UTRN: variants seen among roughly 807,000 people sequenced by gnomAD.
UTRN encodes dystrophin-related protein 1.
In UTRN, 283 loss-of-function variants were observed where a neutral mutation model predicts 463.9. The ratio of observed to expected loss-of-function variants is 0.61; its 90% CI spans 0.55 to 0.67. UTRN has a LOEUF of 0.67. Among genes scored for constraint, UTRN ranks in the 30% least tolerant of loss-of-function variants. UTRN has a pLI of 0.00. For missense variants in UTRN, 3,922 were observed against 4,084.3 expected, an observed-to-expected ratio of 0.96 and a Z score of 1.08; for synonymous variants, 1,442 against 1,431.5, an observed-to-expected ratio of 1.01 and a Z score of -0.17.
At chr6:144,344,903 G>A (rs769680540) in intron 2 of UTRN, among the ~76,000 whole-genome samples, 3 of 152,138 alleles carry the variant, frequency 2.0e-5, no homozygotes, top group East Asian at 1.9e-4. Context: ...CTTTTCTCTC[G>A]CTGAAGTTTA....
chr6:144,687,557 A>C (rs1050384887), intron 52 of UTRN, among the ~76,000 whole-genome samples: 30 of 152,178 alleles, frequency 2.0e-4, no homozygotes, highest in African/African-American at 7.2e-4. Context: ...TGGCTGTGTG[A>C]AAAATACTTT....
intron 34 of UTRN, among the ~76,000 whole-genome samples, chr6:144,499,841 C>T (rs1172161311): frequency 6.6e-6 from 1 of 152,148 alleles, no homozygotes; most frequent in Non-Finnish European, 1.5e-5. Flanking sequence ...ATGTTTAGCC[C>T]CCACTTGTAA....
At chr6:144,824,544 ATG>A (rs1158524055) in intron 66 of UTRN, among the ~76,000 whole-genome samples, 1 of 112,674 alleles carries the variant, frequency 8.9e-6, no homozygotes, top group East Asian at 3.7e-4. Context: ...TATAATACAT[ATG>A]TATATATATT....
intron 15 of UTRN, 41 bp downstream of exon 15, chr6:144,447,359 G>A: frequency 3.2e-6 from 5 of 1,574,256 alleles, no homozygotes; most frequent in Non-Finnish European, 4.3e-6. Context: ...GTAAGCCTAT[G>A]ATATCTTAAT....
At chr6:144,578,274 T>C (rs1488981326) in intron 51 of UTRN, among the ~76,000 whole-genome samples, 2 of 152,180 alleles carry the variant, frequency 1.3e-5, no homozygotes, top group African/African-American at 4.8e-5. Context: ...TTACATCTGA[T>C]TACTTTATAC....
At chr6:144,761,554 G>T (rs1356488114) in intron 58 of UTRN, among the ~76,000 whole-genome samples, 2 of 152,038 alleles carry the variant, frequency 1.3e-5, no homozygotes, top group Non-Finnish European at 2.9e-5. Context: ...GCTGAGGTGG[G>T]AGGATCACTT....
At chr6:144,547,703 A>G (rs990815616) in intron 46 of UTRN, among the ~76,000 whole-genome samples, 1 of 152,184 alleles carries the variant, frequency 6.6e-6, no homozygotes, top group Non-Finnish European at 1.5e-5. Flanking sequence ...GTCTCAGTCT[A>G]TAATATACTG....
intron 53 of UTRN, among the ~76,000 whole-genome samples, chr6:144,718,597 G>A (rs1201595224): frequency 6.6e-6 from 1 of 152,232 alleles, no homozygotes; most frequent in African/African-American, 2.4e-5. Context: ...ACCCAAGTAA[G>A]GGCCCATGAG....
chr6:144,747,621 T>C (rs572071486), intron 54 of UTRN, among the ~76,000 whole-genome samples: 1 of 152,208 alleles, frequency 6.6e-6, no homozygotes. Context: ...GGAAGCCCCC[T>C]TGCTCTATTA....
intron 53 of UTRN, among the ~76,000 whole-genome samples, chr6:144,718,820 T>G (rs747432651): frequency 6.6e-6 from 1 of 152,186 alleles, no homozygotes; most frequent in Non-Finnish European, 1.5e-5. Context: ...AGAGTCAGGT[T>G]TGCAAAGAGG....
At chr6:144,780,740 C>A (rs1449585560) in intron 60 of UTRN, among the ~76,000 whole-genome samples, 5 of 152,216 alleles carry the variant, frequency 3.3e-5, no homozygotes, top group Non-Finnish European at 2.9e-5. Context: ...CCATGCATTT[C>A]TCCTGTCTGT....
At chr6:144,658,540 T>A (rs1045887783) in intron 51 of UTRN, among the ~76,000 whole-genome samples, 23 of 143,488 alleles carry the variant, frequency 1.6e-4, no homozygotes, top group African/African-American at 4.8e-4. Flanking sequence ...ATTTTAGGGG[T>A]TCCCCCCCCC....
intron 2 of UTRN, among the ~76,000 whole-genome samples, chr6:144,362,003 G>A (rs1779123072): frequency 6.6e-6 from 1 of 151,810 alleles, no homozygotes; most frequent in South Asian, 2.1e-4. Flanking sequence ...AAAAATCAAA[G>A]CCAAATTCAT....
At chr6:144,737,573 C>T (rs1009201196) in intron 54 of UTRN, among the ~76,000 whole-genome samples, 2 of 151,896 alleles carry the variant, frequency 1.3e-5, no homozygotes, top group Admixed American at 6.6e-5. Context: ...AAATGGTAAC[C>T]ATAAAAAAAT....
chr6:144,373,093 T>G (rs1298230245), intron 2 of UTRN, among the ~76,000 whole-genome samples: 1 of 152,208 alleles, frequency 6.6e-6, no homozygotes, highest in Non-Finnish European at 1.5e-5. Flanking sequence ...GTAGCAGTTT[T>G]GGAAAATATT....
At chr6:144,603,593 T>C (rs114727512) in intron 51 of UTRN, among the ~76,000 whole-genome samples, 7 of 152,314 alleles carry the variant, frequency 4.6e-5, no homozygotes, top group African/African-American at 1.7e-4. Context: ...ATCTCTTTGA[T>C]GTTAAGAAAT....
chr6:144,730,534 C>G, intron 54 of UTRN, 48 bp downstream of exon 54: 1 of 1,476,380 alleles, frequency 6.8e-7, no homozygotes, highest in Non-Finnish European at 9.0e-7. Flanking sequence ...GCTAGGAGAA[C>G]AAAAAACCCA....
rs79468657 is a variant in UTRN, at chr6:144,437,809, T to G, written c.1241+63T>G. ...GCTGCTTTGCACAGTTGAGCTCTAGTAGATGTCTGCATGTCTGTGAAAGCG... is the reference window on the plus strand; with the variant it reads ...GCTGCTTTGCACAGTTGAGCTCTAGGAGATGTCTGCATGTCTGTGAAAGCG... On this transcript the variant is annotated intron_variant, in intron 11 of 74. Coordinates refer to ENST00000367545, the MANE Select transcript of UTRN (RefSeq NM_007124.3). 12,147 of 1,503,128 alleles carry G rather than the reference T, an allele frequency of 8.1e-3. 665 individuals are homozygous for G. In the East Asian group the frequency reaches 0.14, roughly 17 times the overall value. The allele number at this position is 1,503,128 out of a possible 1,614,324, so 93.1% of individuals were successfully genotyped here. A position where few individuals can be genotyped will look rare whatever the true frequency, so the allele number is the denominator to read the frequency against.
chr6:144,751,799 C>T lies in UTRN; in HGVS notation c.8209-7C>T, dbSNP rs781366536. 38 of 1,590,314 alleles carry T rather than the reference C, an allele frequency of 2.4e-5. No individual in the cohort carries two copies. Among genetic ancestry groups the T allele is most frequent in the Non-Finnish European group, 3.0e-5 (35 of 1,171,082 alleles). Reference sequence around the variant, plus strand: ...CCAATAATATATTTTTTGTTCTTTTCTTCTAGGCATTTAGAGAAGAAATTG... The same window carrying T: ...CCAATAATATATTTTTTGTTCTTTTTTTCTAGGCATTTAGAGAAGAAATTG... On this transcript the variant is annotated splice_polypyrimidine_tract_variant and splice_region_variant and intron_variant, in intron 55 of 74. Transcript: ENST00000367545.
Sources: gnomAD v4.1 joint callset for allele counts (sites outside exome capture counted in the v4.1 genomes callset) on GRCh38, gnomAD v4.1.1 for gene constraint, MANE v1.5 for transcripts, NCBI Gene and HGNC (gene_info 2026-07-23, HGNC 2026-07-21) for gene names.